RAI14: variants seen among roughly 807,000 people sequenced by gnomAD.
The protein encoded by RAI14 is retinoic acid induced 14.
RAI14 carries 45 observed loss-of-function variants against 115.4 expected under a neutral mutation model. That is an observed-to-expected ratio of 0.39 (90% CI 0.31 to 0.50). The LOEUF is 0.50. RAI14 is among the 20% of genes least tolerant of loss of function. The pLI is 0.85. For missense variants in RAI14, 939 were observed against 1,131.2 expected (o/e 0.83, Z 2.44); for synonymous variants, 371 against 415.4 (o/e 0.89, Z 1.30).
At chr5:34,785,539 C>G (rs1157745339) in intron 3 of RAI14, among the ~76,000 whole-genome samples, 1 of 152,134 alleles carries the variant, frequency 6.6e-6, no homozygotes, top group African/African-American at 2.4e-5. Flanking sequence ...CTTTGATATA[C>G]TTCAGGGGTT....
chr5:34,656,584 G>A (rs1179750722), intron 1 of RAI14, 109 bp downstream of exon 1: 3 of 152,436 alleles, frequency 2.0e-5, no homozygotes, highest in Non-Finnish European at 2.9e-5. Flanking sequence ...ACGGCGCCCG[G>A]GCGGAGCGGC....
Position 34,825,721 on chromosome 5 carries a change from A to G in RAI14, c.2650-609A>G, listed in dbSNP as rs370209420. 4.6e-5 allele frequency among the ~76,000 whole-genome samples: 7 copies of G among 151,684 alleles called. No individual in the cohort carries two copies. The South Asian group carries it at 8.4e-4, about 18-fold the overall frequency. On this transcript the variant is annotated intron_variant, in intron 15 of 17. Coordinates refer to ENST00000265109, the MANE Select transcript of RAI14 (RefSeq NM_015577.3). ...TTCAGGGGGATGGTTCCACGCCTCAATCGGCTCTGCATCTCTAGTCCCCTG... is the reference window on the plus strand; with the variant it reads ...TTCAGGGGGATGGTTCCACGCCTCAGTCGGCTCTGCATCTCTAGTCCCCTG...
chr5:34,768,978 G>C (rs1302397584), intron 3 of RAI14, among the ~76,000 whole-genome samples: 6 of 150,398 alleles, frequency 4.0e-5, no homozygotes, highest in South Asian at 2.1e-4. Context: ...GACAGAGTGA[G>C]ACCCAGTCTC....
intron 15 of RAI14, among the ~76,000 whole-genome samples, chr5:34,824,765 G>A (rs536980346): frequency 9.2e-5 from 14 of 151,944 alleles, no homozygotes; most frequent in Non-Finnish European, 2.1e-4. Flanking sequence ...CCAACATGGT[G>A]AAACCACGTC....
chr5:34,809,830 G>A (rs943408892), intron 7 of RAI14, among the ~76,000 whole-genome samples: 4 of 151,972 alleles, frequency 2.6e-5, no homozygotes, highest in Non-Finnish European at 4.4e-5. Context: ...TAACTTCTAC[G>A]TAGAATCTCC....
intron 3 of RAI14, among the ~76,000 whole-genome samples, chr5:34,771,201 T>C (rs914799424): frequency 2.6e-5 from 4 of 152,240 alleles, no homozygotes; most frequent in African/African-American, 9.6e-5. Context: ...ATGAAGATGT[T>C]GGACCAGTTA....
At chr5:34,742,809 G>A (rs1208366319) in intron 2 of RAI14, among the ~76,000 whole-genome samples, 5 of 152,030 alleles carry the variant, frequency 3.3e-5, no homozygotes, top group African/African-American at 7.2e-5. Flanking sequence ...GATTACAGGC[G>A]CCTGCCACCA....
At chr5:34,706,241 A>G (rs1290014962) in intron 2 of RAI14, among the ~76,000 whole-genome samples, 1 of 152,234 alleles carries the variant, frequency 6.6e-6, no homozygotes, top group East Asian at 1.9e-4. Flanking sequence ...TATACTTTTT[A>G]AAAGGGACTT....
chr5:34,684,807 G>C (rs893118153), intron 1 of RAI14: 2 of 152,178 alleles, frequency 1.3e-5, no homozygotes, highest in African/African-American at 4.8e-5. Flanking sequence ...TAGGATGTGG[G>C]GGAATGTGAG....
At chr5:34,804,429 A>G (rs1754627491) in intron 5 of RAI14, among the ~76,000 whole-genome samples, 1 of 152,232 alleles carries the variant, frequency 6.6e-6, no homozygotes, top group Non-Finnish European at 1.5e-5. Flanking sequence ...TTGCCAGTCA[A>G]AATGCAAACT....
intron 3 of RAI14, among the ~76,000 whole-genome samples, chr5:34,767,835 G>A (rs1028096742): frequency 1.3e-5 from 2 of 151,718 alleles, no homozygotes; most frequent in African/African-American, 4.8e-5. Context: ...ACTAAGAAAG[G>A]AATTGTTTCT....
Position 34,811,802 on chromosome 5 carries a change from C to T in RAI14, c.593C>T (p.Ser198Phe). The T allele has an allele frequency of 6.2e-7, 1 of 1,613,436 alleles. No homozygotes were observed. Among genetic ancestry groups the T allele is most frequent in the Non-Finnish European group, 8.5e-7 (1 of 1,179,908 alleles). Residue 198 changes from serine (S) to phenylalanine (F), a missense_variant, in exon 9 of 18, where the codon TCT becomes TTT. Coordinates refer to ENST00000265109, the MANE Select transcript of RAI14 (RefSeq NM_015577.3). ...ATGCTGGCCTGTGAGATTGGCAGCT[C>T]TAACGCTGTGGAAGCCTTAATTAAA... ...ALMLACEIGSSNAVEALIKKG... is the reference protein window; with the variant it reads ...ALMLACEIGSFNAVEALIKKG...
In RAI14 at chr5:34,815,252, G is replaced by A. The variant is rs150556049; in HGVS notation, c.939+583G>A. 6.1e-3 allele frequency among the ~76,000 whole-genome samples: 927 copies of A among 152,070 alleles called. 18 individuals carry two copies. Among genetic ancestry groups the A allele is most frequent in the African/African-American group, 0.02 (811 of 41,506 alleles). ...AAAAATTAGCTGGGCATGATGGTGC[G>A]CACCTTTAATCCCAGCTACTTAGGC... On this transcript the variant is annotated intron_variant, in intron 12 of 17. Coordinates refer to ENST00000265109, the MANE Select transcript of RAI14 (RefSeq NM_015577.3).
At chr5:34,782,781 C>A (rs1379747912) in intron 3 of RAI14, among the ~76,000 whole-genome samples, 2 of 152,150 alleles carry the variant, frequency 1.3e-5, no homozygotes, top group Non-Finnish European at 2.9e-5. Context: ...TTTGTTCAGA[C>A]CAGCTGAACA....
intron 3 of RAI14, among the ~76,000 whole-genome samples, chr5:34,776,803 T>C (rs1750903666): frequency 1.4e-5 from 2 of 144,874 alleles, no homozygotes; most frequent in Non-Finnish European, 1.5e-5. Context: ...TGAGACCCTT[T>C]ATTAAAAAAA....
At chr5:34,734,224 G>T (rs986317547) in intron 2 of RAI14, among the ~76,000 whole-genome samples, 34 of 152,218 alleles carry the variant, frequency 2.2e-4, no homozygotes, top group African/African-American at 8.2e-4. Context: ...CAGTTGGTGG[G>T]CAGGGGGTGG....
At chr5:34,756,721 C>T (rs1027546477) in intron 2 of RAI14, among the ~76,000 whole-genome samples, 2 of 152,208 alleles carry the variant, frequency 1.3e-5, no homozygotes, top group Admixed American at 6.5e-5. Context: ...ATTCAGAGCC[C>T]ATCTGCTCTT....
intron 6 of RAI14, among the ~76,000 whole-genome samples, chr5:34,808,295 G>A (rs1234326364): frequency 6.6e-6 from 1 of 152,208 alleles, no homozygotes. Flanking sequence ...ATTTACACAT[G>A]TGTTTTATTG....
chr5:34,816,548 T>G (rs759050285), intron 12 of RAI14, among the ~76,000 whole-genome samples: 8 of 152,188 alleles, frequency 5.3e-5, no homozygotes, highest in Non-Finnish European at 1.0e-4. Context: ...CCATTTAATA[T>G]CTGTTTAATA....
Sources: gnomAD v4.1 joint callset for allele counts (sites outside exome capture counted in the v4.1 genomes callset) on GRCh38, gnomAD v4.1.1 for gene constraint, MANE v1.5 for transcripts, NCBI Gene and HGNC (gene_info 2026-07-23, HGNC 2026-07-21) for gene names.